Variants in ADARB1 observed in about 807,000 individuals in gnomAD.
ADARB1 encodes the protein double-stranded RNA-specific editase 1.
In ADARB1, 10 loss-of-function variants were observed where a neutral mutation model predicts 52.4. That is an observed-to-expected ratio of 0.19 (90% CI 0.12 to 0.32). The LOEUF is 0.32. Among genes scored for constraint, ADARB1 ranks in the 10% least tolerant of loss-of-function variants. The pLI is 1.00. For missense variants in ADARB1, 643 were observed against 922.3 expected (o/e 0.70, Z 3.92); for synonymous variants, 349 against 371.1 (o/e 0.94, Z 0.68).
chr21:45,088,827 G>A (rs1429344118), intron 1 of ADARB1, among the ~76,000 whole-genome samples: 1 of 152,168 alleles, frequency 6.6e-6, no homozygotes, highest in Non-Finnish European at 1.5e-5. Context: ...ATCATATGCC[G>A]CCCCACACCA....
At chr21:45,210,810 A>G (rs1244031154) in intron 9 of ADARB1, among the ~76,000 whole-genome samples, 1 of 152,228 alleles carries the variant, frequency 6.6e-6, no homozygotes, top group African/African-American at 2.4e-5. Context: ...CTCCCCCAGG[A>G]GCTGCTTCAG....
chr21:45,131,183 AT>A (rs1451547223), intron 2 of ADARB1, among the ~76,000 whole-genome samples: 3 of 152,228 alleles, frequency 2.0e-5, no homozygotes, highest in African/African-American at 4.8e-5. Flanking sequence ...CTGTATGGAC[AT>A]TTAGGCACTG....
At chr21:45,092,374 T>C (rs2123688782) in intron 1 of ADARB1, among the ~76,000 whole-genome samples, 1 of 152,370 alleles carries the variant, frequency 6.6e-6, no homozygotes, top group Non-Finnish European at 1.5e-5. Context: ...TCTACTGCAT[T>C]ACAACTGTTT....
chr21:45,104,493 T>C (rs1043686934), intron 1 of ADARB1, among the ~76,000 whole-genome samples: 1 of 152,182 alleles, frequency 6.6e-6, no homozygotes, highest in African/African-American at 2.4e-5. Flanking sequence ...CAGGCCGTGC[T>C]GCAGCTTGGA....
chr21:45,103,624 A>G (rs1339451842), intron 1 of ADARB1, among the ~76,000 whole-genome samples: 1 of 151,976 alleles, frequency 6.6e-6, no homozygotes, highest in Non-Finnish European at 1.5e-5. Context: ...CAGTGCAAGA[A>G]CTGATTCTCT....
chr21:45,146,034 G>A (rs914865301), intron 2 of ADARB1: 2 of 151,610 alleles, frequency 1.3e-5, no homozygotes, highest in African/African-American at 2.4e-5. Flanking sequence ...CTGTGGTGGG[G>A]TTACGGTTTC....
At chr21:45,168,264 C>A (rs1358846513) in intron 2 of ADARB1, among the ~76,000 whole-genome samples, 4 of 152,024 alleles carry the variant, frequency 2.6e-5, no homozygotes, top group Admixed American at 2.6e-4. Context: ...TATTTTCTCC[C>A]AGTCTGTAGC....
intron 2 of ADARB1, among the ~76,000 whole-genome samples, chr21:45,163,368 T>G (rs2146052219): frequency 6.6e-6 from 1 of 152,228 alleles, no homozygotes; most frequent in Non-Finnish European, 1.5e-5. Context: ...GCATCCACGT[T>G]CTTCCTCACA....
At chr21:45,177,642 A>T (rs1052892754) in intron 4 of ADARB1, 6 of 152,082 alleles carry the variant, frequency 3.9e-5, no homozygotes, top group African/African-American at 1.4e-4. Context: ...CTTCACTTTG[A>T]AGATAACATG....
rs188601779 is a variant in ADARB1 at position 45,140,448 on chromosome 21, T to A, written c.-48+11875T>A. On this transcript the variant is annotated intron_variant, in intron 2 of 10. Coordinates refer to ENST00000348831, the MANE Select transcript of ADARB1 (RefSeq NM_001112.4). Reference sequence around the variant, plus strand: ...GTACAGGTCCGCCCCTGGCAGCCCATGCCTTGTAGCTTCTGGGTGGCTCCT... The same window carrying A: ...GTACAGGTCCGCCCCTGGCAGCCCAAGCCTTGTAGCTTCTGGGTGGCTCCT... 6.4e-4 allele frequency among the ~76,000 whole-genome samples: 98 copies of A among 152,322 alleles called. 1 individual carries two copies. The highest frequency in any genetic ancestry group is 4.0e-3 in the Admixed American group (61 of 15,300).
intron 1 of ADARB1, among the ~76,000 whole-genome samples, chr21:45,076,931 T>C (rs1454203718): frequency 1.3e-5 from 2 of 152,188 alleles, no homozygotes; most frequent in African/African-American, 2.4e-5. Context: ...AGTACATTTG[T>C]ATTGATAGAT....
At chr21:45,099,510 C>CAA (rs35241422) in intron 1 of ADARB1, among the ~76,000 whole-genome samples, 9 of 151,484 alleles carry the variant, frequency 5.9e-5, no homozygotes, top group Non-Finnish European at 8.8e-5. Context: ...ACTAAAAGTA[C>CAA]AAAAAAAATT....
At chr21:45,216,232 T>A (rs974686576) in intron 9 of ADARB1, among the ~76,000 whole-genome samples, 1 of 152,138 alleles carries the variant, frequency 6.6e-6, no homozygotes, top group African/African-American at 2.4e-5. Flanking sequence ...AGCTGGAAGT[T>A]TTTCAATTCT....
intron 1 of ADARB1, among the ~76,000 whole-genome samples, chr21:45,110,418 G>A (rs1440427768): frequency 6.6e-6 from 1 of 152,232 alleles, no homozygotes; most frequent in Non-Finnish European, 1.5e-5. Flanking sequence ...CTACCTGGGT[G>A]TGGTGACTTG....
rs115658841 is a variant in ADARB1 at position 45,176,010 on chromosome 21, C to T, written c.309C>T (p.Pro103=). The T allele has an allele frequency of 4.2e-4, 678 of 1,614,160 alleles. 2 individuals carry two copies. In the African/African-American group the frequency reaches 6.9e-3, roughly 16 times the overall value. ...ACACACTCCTGTCCCAGACTGGGCCCGTGCACGCGCCTTTGTTTGTCATGT... is the reference window on the plus strand; with the variant it reads ...ACACACTCCTGTCCCAGACTGGGCCTGTGCACGCGCCTTTGTTTGTCATGT... ...LQYTLLSQTG[P]VHAPLFVMSV... The change falls in exon 4 of 11, where the codon CCC becomes CCT. Residue 103 remains proline, a synonymous_variant. Transcript: ENST00000348831. This position sits in a 1 kb window ranked among gnomAD's most constrained non-coding sequence, Gnocchi z 5.8.
Position 45,223,665 on chromosome 21 carries a change from C to A in ADARB1, c.*1468C>A. The A allele has an allele frequency of 1.0e-6, 1 of 985,588 alleles. No individual in the cohort carries two copies. Among genetic ancestry groups the A allele is most frequent in the Non-Finnish European group, 1.2e-6 (1 of 830,098 alleles). The allele number at this position is 985,588 out of a possible 1,614,324, so 61.1% of individuals were successfully genotyped here. ...CACAGCGAAATCCAGGGTGTTGGCA[C>A]CTGTGTGTCCGTGATGAGCCTAGGA... is the stretch of plus-strand genomic sequence containing the variant. On this transcript the variant is annotated 3_prime_UTR_variant, in exon 11 of 11. Coordinates refer to ENST00000348831, the MANE Select transcript of ADARB1 (RefSeq NM_001112.4).
intron 1 of ADARB1, among the ~76,000 whole-genome samples, chr21:45,109,904 TTCTC>T (rs925861287): frequency 6.6e-6 from 1 of 152,112 alleles, no homozygotes; most frequent in Admixed American, 6.5e-5. Flanking sequence ...GGAGGCGCCT[TTCTC>T]TCTCTTTTTG....
intron 2 of ADARB1, among the ~76,000 whole-genome samples, chr21:45,170,261 G>C (rs1002446101): frequency 2.6e-5 from 4 of 152,144 alleles, no homozygotes; most frequent in Admixed American, 1.3e-4. Flanking sequence ...AAAGAGAACT[G>C]CCATTTCTAC....
chr21:45,220,359 G>A lies in ADARB1; in HGVS notation c.1748-477G>A, dbSNP rs1602067957. ...ACCTGAACATGCCTGGCCTCTCAGT[G>A]GCAGGGGAGCACATGCAGGCATGAG... On this transcript the variant is annotated intron_variant, in intron 9 of 10. Transcript: ENST00000348831. This position sits in a 1 kb window ranked among gnomAD's most constrained non-coding sequence, Gnocchi z 6.3. Among the ~76,000 whole-genome samples, 2 of 152,294 alleles carry A rather than the reference G, an allele frequency of 1.3e-5. No individual in the cohort carries two copies. Among genetic ancestry groups the A allele is most frequent in the Middle Eastern group, 6.8e-3 (2 of 294 alleles).
Sources: gnomAD v4.1 joint callset for allele counts (sites outside exome capture counted in the v4.1 genomes callset) on GRCh38, gnomAD v4.1.1 for gene constraint, Gnocchi (gnomAD v3.1) non-coding constraint, MANE v1.5 for transcripts, NCBI Gene and HGNC (gene_info 2026-07-23, HGNC 2026-07-21) for gene names.